The following FGF14 variants were observed in gnomAD, a reference collection of about 807,000 sequenced individuals.
The protein encoded by FGF14 is fibroblast growth factor homologous factor 4.
A neutral mutation model predicts 25.5 loss-of-function variants in FGF14; 5 were observed. That is an observed-to-expected ratio of 0.20 (90% CI 0.10 to 0.41). FGF14 has a LOEUF of 0.41. Ranked by LOEUF, FGF14 falls within the 10% of genes least tolerant of loss-of-function variation. FGF14 has a pLI of 1.00. For synonymous variants in FGF14, 138 were observed against 118.3 expected, an observed-to-expected ratio of 1.17 and a Z score of -1.08; for missense variants, 222 against 320.1, an observed-to-expected ratio of 0.69 and a Z score of 2.34.
chr13:101,968,369 C>A (rs906701778), intron 1 of FGF14, among the ~76,000 whole-genome samples: 1 of 151,894 alleles, frequency 6.6e-6, no homozygotes, highest in Non-Finnish European at 1.5e-5. Flanking sequence ...AGCTACTGAA[C>A]ACATTAAAAA....
intron 1 of FGF14, among the ~76,000 whole-genome samples, chr13:102,340,462 C>T (rs1186873177): frequency 4.0e-5 from 6 of 151,680 alleles, no homozygotes; most frequent in East Asian, 3.9e-4. Flanking sequence ...CACACACACA[C>T]GCCAAAAAAA....
intron 1 of FGF14, among the ~76,000 whole-genome samples, chr13:102,177,067 C>T (rs7995765): frequency 0.05 from 7,673 of 152,200 alleles, 234 homozygotes; most frequent in Middle Eastern, 0.17. Flanking sequence ...AGTGAAAGAA[C>T]GACTGCACAG....
chr13:101,860,342 C>T (rs899194006), intron 3 of FGF14, among the ~76,000 whole-genome samples: 1 of 151,962 alleles, frequency 6.6e-6, no homozygotes, highest in Non-Finnish European at 1.5e-5. Flanking sequence ...TATGCACTCC[C>T]CAAAGGCCAA....
At chr13:102,341,294 A>T (rs902062228) in intron 1 of FGF14, among the ~76,000 whole-genome samples, 1 of 152,216 alleles carries the variant, frequency 6.6e-6, no homozygotes, top group Non-Finnish European at 1.5e-5. Context: ...CAAATAAAAA[A>T]GAAAGAAAAA....
intron 1 of FGF14, among the ~76,000 whole-genome samples, chr13:102,060,653 A>G (rs1054838809): frequency 9.9e-5 from 15 of 152,236 alleles, no homozygotes; most frequent in Non-Finnish European, 1.6e-4. Flanking sequence ...CATAAATAAA[A>G]AAGGAGAAAT....
Position 102,026,417 on chromosome 13 carries a change from CT to C in FGF14, c.209-151122del, listed in dbSNP as rs1286910680. Among the ~76,000 whole-genome samples, 7 of 151,138 alleles carry C rather than the reference CT, an allele frequency of 4.6e-5. No individual in the cohort carries two copies. In the South Asian group the frequency reaches 8.3e-4, roughly 18 times the overall value. The stretch of plus-strand genomic sequence containing the variant: ...AATATACTTATTTCCTTGTAATATA[CT>C]TTTTTTGATATTAGAATATTAACTT... On this transcript the variant is annotated intron_variant, in intron 1 of 4. Transcript: ENST00000376131.
chr13:102,030,132 C>A (rs988430963), intron 1 of FGF14, among the ~76,000 whole-genome samples: 1 of 151,946 alleles, frequency 6.6e-6, no homozygotes, highest in African/African-American at 2.4e-5. Flanking sequence ...TTTATTGAAC[C>A]CCCAAATTCC....
intron 1 of FGF14, among the ~76,000 whole-genome samples, chr13:102,057,861 T>C (rs759340716): frequency 1.3e-5 from 2 of 152,230 alleles, no homozygotes; most frequent in Non-Finnish European, 2.9e-5. Flanking sequence ...GGTTAATTCT[T>C]GAAGTGTCTT....
chr13:102,108,556 G>A (rs2045048611), intron 1 of FGF14, among the ~76,000 whole-genome samples: 1 of 152,114 alleles, frequency 6.6e-6, no homozygotes, highest in Non-Finnish European at 1.5e-5. Context: ...TCTGAAGACA[G>A]GTTTTATGTC....
At chr13:101,976,159 CTCAA>C (rs747847140) in intron 1 of FGF14, among the ~76,000 whole-genome samples, 1 of 61,672 alleles carries the variant, frequency 1.6e-5, no homozygotes, top group East Asian at 0.019. Context: ...TTGTTCAGTG[CTCAA>C]ACAGTGAAAG....
At chr13:101,790,625 A>G (rs979474393) in intron 3 of FGF14, among the ~76,000 whole-genome samples, 6 of 152,126 alleles carry the variant, frequency 3.9e-5, no homozygotes, top group Admixed American at 2.6e-4. Context: ...ACCAATTTCC[A>G]TAAAGCTAGG....
chr13:102,073,340 C>T (rs2043226526), intron 1 of FGF14, among the ~76,000 whole-genome samples: 1 of 152,164 alleles, frequency 6.6e-6, no homozygotes, highest in Non-Finnish European at 1.5e-5. Flanking sequence ...GAGTCTGTCC[C>T]TCCCCATGCA....
At chr13:101,951,899 A>T (rs2036189676) in intron 1 of FGF14, among the ~76,000 whole-genome samples, 1 of 152,164 alleles carries the variant, frequency 6.6e-6, no homozygotes, top group South Asian at 2.1e-4. Flanking sequence ...CATCATATTC[A>T]ATTTCTTGGA....
intron 3 of FGF14, among the ~76,000 whole-genome samples, chr13:101,747,521 G>A (rs1035268172): frequency 6.6e-6 from 1 of 152,002 alleles, no homozygotes; most frequent in Non-Finnish European, 1.5e-5. Context: ...ACTGCAGGTA[G>A]ACTAGGACAC....
intron 3 of FGF14, among the ~76,000 whole-genome samples, chr13:101,735,872 A>C (rs2036153207): frequency 6.6e-6 from 1 of 152,326 alleles, no homozygotes; most frequent in Middle Eastern, 3.4e-3. Context: ...TGTCTAAAAG[A>C]AAAATGTAAA....
chr13:101,769,002 A>G (rs1456513035), intron 3 of FGF14, among the ~76,000 whole-genome samples: 1 of 152,182 alleles, frequency 6.6e-6, no homozygotes, highest in Non-Finnish European at 1.5e-5. Flanking sequence ...TGCTTTGCAA[A>G]TGACTGTCAA....
intron 1 of FGF14, among the ~76,000 whole-genome samples, chr13:102,126,575 A>G (rs2045958115): frequency 6.6e-6 from 1 of 152,208 alleles, no homozygotes; most frequent in African/African-American, 2.4e-5. Flanking sequence ...TCCTTTGGGT[A>G]TATACCTCGG....
At chr13:102,402,389 C>T (rs984448904), upstream of FGF14, 10 of 152,344 alleles carry the variant, frequency 6.6e-5, no homozygotes, top group Non-Finnish European at 1.3e-4. Flanking sequence ...GAAAATCTCC[C>T]CTCCGGATTC....
At chr13:101,850,309 C>T (rs1369265188) in intron 3 of FGF14, among the ~76,000 whole-genome samples, 3 of 136,338 alleles carry the variant, frequency 2.2e-5, no homozygotes, top group African/African-American at 8.1e-5. Context: ...AAAAAAATAG[C>T]CGGGCATAGT....
Sources: gnomAD v4.1 joint callset for allele counts (sites outside exome capture counted in the v4.1 genomes callset) on GRCh38, gnomAD v4.1.1 for gene constraint, MANE v1.5 for transcripts, NCBI Gene and HGNC (gene_info 2026-07-23, HGNC 2026-07-21) for gene names.